Variants in ABCG2 observed in about 807,000 individuals in gnomAD.
The protein encoded by ABCG2 is broad substrate specificity ATP-binding cassette transporter ABCG2.
Under a neutral mutation model 73.5 loss-of-function variants are expected in ABCG2, and 80 were observed. The observed-to-expected ratio is 1.09, with a 90% CI of 0.91 to 1.31. The LOEUF (loss-of-function observed/expected upper bound fraction) is 1.31, where lower values mean the gene tolerates loss of function less well. ABCG2 is among the 50% of genes most tolerant of loss of function. The pLI, the probability that ABCG2 is intolerant of heterozygous loss-of-function variation, is 0.00. For missense variants in ABCG2, 796 were observed against 786.2 expected, an observed-to-expected ratio of 1.01 and a Z score of -0.15; for synonymous variants, 269 against 282.4, an observed-to-expected ratio of 0.95 and a Z score of 0.48.
At chr4:88,196,577 T>C (rs939452122) in intron 1 of ABCG2, among the ~76,000 whole-genome samples, 9 of 152,154 alleles carry the variant, frequency 5.9e-5, no homozygotes, top group Non-Finnish European at 1.2e-4. Flanking sequence ...AGTTTGCTTG[T>C]GGAAGAAACT....
intron 11 of ABCG2, among the ~76,000 whole-genome samples, chr4:88,100,781 C>A (rs537980337): frequency 6.6e-6 from 1 of 152,160 alleles, no homozygotes; most frequent in East Asian, 1.9e-4. Context: ...CGTTCTTTGT[C>A]GACTTAATCT....
chr4:88,134,468 C>T (rs1725110714), intron 2 of ABCG2, among the ~76,000 whole-genome samples: 2 of 152,170 alleles, frequency 1.3e-5, no homozygotes, highest in South Asian at 2.1e-4. Context: ...GGACTCTTCC[C>T]TCTAAATGTG....
chr4:88,195,106 C>A (rs749656320), intron 1 of ABCG2, among the ~76,000 whole-genome samples: 2 of 152,174 alleles, frequency 1.3e-5, no homozygotes, highest in African/African-American at 2.4e-5. Flanking sequence ...TGGGGGCTCA[C>A]ACCTATAATC....
At chr4:88,150,855 G>T in intron 1 of ABCG2, among the ~76,000 whole-genome samples, 1 of 152,150 alleles carries the variant, frequency 6.6e-6, no homozygotes, top group Non-Finnish European at 1.5e-5. Flanking sequence ...GAGCCAAGAT[G>T]AGGACACTGT....
At chr4:88,209,003 A>C (rs866187819) in intron 1 of ABCG2, among the ~76,000 whole-genome samples, 3 of 151,458 alleles carry the variant, frequency 2.0e-5, no homozygotes, top group Middle Eastern at 3.4e-3. Context: ...CTGTCTCAAA[A>C]AAAACAAAAC....
At chr4:88,172,205 G>GT (rs1727782721) in intron 1 of ABCG2, among the ~76,000 whole-genome samples, 1 of 149,660 alleles carries the variant, frequency 6.7e-6, no homozygotes, top group Admixed American at 6.7e-5. Context: ...TGAGGCAGGA[G>GT]AATCCTTGAA....
chr4:88,096,004 A>G (rs1032704983), intron 13 of ABCG2, among the ~76,000 whole-genome samples: 10 of 152,222 alleles, frequency 6.6e-5, no homozygotes, highest in African/African-American at 2.2e-4. Context: ...GGAAGAATCT[A>G]TACCAGATAA....
At chr4:88,165,431 A>G (rs1475957174) in intron 1 of ABCG2, among the ~76,000 whole-genome samples, 2 of 152,098 alleles carry the variant, frequency 1.3e-5, no homozygotes, top group African/African-American at 4.8e-5. Flanking sequence ...CTCTTTCTCC[A>G]TCTTCAAAGC....
chr4:88,097,997 C>T (rs938704203), intron 12 of ABCG2, among the ~76,000 whole-genome samples: 1 of 151,938 alleles, frequency 6.6e-6, no homozygotes, highest in African/African-American at 2.4e-5. Context: ...CTGGGACGAT[C>T]GGGATGCCAT....
chr4:88,212,119 G>GA, intron 1 of ABCG2, among the ~76,000 whole-genome samples: 1 of 152,168 alleles, frequency 6.6e-6, no homozygotes, highest in Non-Finnish European at 1.5e-5. Context: ...AGCTTTAGGT[G>GA]AAAACCAAAA....
intron 10 of ABCG2, among the ~76,000 whole-genome samples, chr4:88,101,590 C>T (rs992421412): frequency 1.3e-5 from 2 of 152,084 alleles, no homozygotes; most frequent in Non-Finnish European, 2.9e-5. Context: ...ATGTTGAAGC[C>T]CCAACCCCCA....
intron 1 of ABCG2, among the ~76,000 whole-genome samples, chr4:88,213,711 T>G (rs1729689827): frequency 6.6e-6 from 1 of 151,938 alleles, no homozygotes; most frequent in Non-Finnish European, 1.5e-5. Flanking sequence ...TGAGACAGAG[T>G]CTTGCTCTGT....
upstream of ABCG2, chr4:88,163,548 C>T (rs145832978): frequency 3.0e-5 from 5 of 168,418 alleles, no homozygotes; most frequent in South Asian, 1.4e-4. Context: ...GAATCCCTCA[C>T]GCTCTTCTTT....
In ABCG2 at chr4:88,168,845, T is replaced by C. The variant is rs377598902; in HGVS notation, c.-19-28831A>G. 2.2e-4 allele frequency among the ~76,000 whole-genome samples: 33 copies of C among 150,366 alleles called. No individual in the cohort carries two copies. The East Asian group carries it at 5.8e-3, about 27-fold the overall frequency. On this transcript the variant is annotated intron_variant, in intron 1 of 15. Coordinates refer to the ABCG2 transcript ENST00000515655. ...TATATATTTACAAAGTGAACACACC[T>C]GTATACCTGTCACTCAGATTAAAAA...
At chr4:88,213,081 C>A (rs186534031) in intron 1 of ABCG2, among the ~76,000 whole-genome samples, 24 of 152,034 alleles carry the variant, frequency 1.6e-4, no homozygotes, top group Admixed American at 9.2e-4. Flanking sequence ...TTTAAAAATT[C>A]TTTGTAGGGA....
chr4:88,136,776 G>A (rs1200928749), intron 2 of ABCG2, among the ~76,000 whole-genome samples: 1 of 151,842 alleles, frequency 6.6e-6, no homozygotes, highest in African/African-American at 2.4e-5. Flanking sequence ...TACATTTTGG[G>A]AGGCCAAGGC....
intron 1 of ABCG2, among the ~76,000 whole-genome samples, chr4:88,216,048 G>T (rs1399211984): frequency 6.6e-6 from 1 of 152,182 alleles, no homozygotes; most frequent in Non-Finnish European, 1.5e-5. Context: ...ATCTCAAAAT[G>T]ATGCTGACAC....
intron 1 of ABCG2, among the ~76,000 whole-genome samples, chr4:88,154,467 T>C (rs1726779616): frequency 6.6e-6 from 1 of 152,312 alleles, no homozygotes; most frequent in South Asian, 2.1e-4. Context: ...TTCGGCTTGC[T>C]GAGCGGTAGT....
intron 10 of ABCG2, among the ~76,000 whole-genome samples, chr4:88,104,870 C>T (rs1487945388): frequency 6.6e-6 from 1 of 152,164 alleles, no homozygotes; most frequent in African/African-American, 2.4e-5. Flanking sequence ...TTCTTTATTT[C>T]TCTGGATTTT....
Sources: allele counts gnomAD v4.1 joint callset (sites outside exome capture counted in the v4.1 genomes callset), GRCh38; gene constraint gnomAD v4.1.1; transcripts MANE v1.5; gene names NCBI Gene and HGNC (gene_info 2026-07-23, HGNC 2026-07-21).